Variants in RAB27B observed in about 807,000 individuals in gnomAD.
RAB27B encodes RAB27B, member RAS oncogene family.
Under a neutral mutation model 24.6 loss-of-function variants are expected in RAB27B, and 15 were observed. The observed-to-expected ratio is 0.61, with a 90% CI of 0.41 to 0.94. The LOEUF (loss-of-function observed/expected upper bound fraction) is 0.94, where lower values mean the gene tolerates loss of function less well. RAB27B is among the 40% of genes least tolerant of loss of function. The pLI is 0.00. For missense variants in RAB27B, 261 were observed against 266.8 expected (o/e 0.98, Z 0.15); for synonymous variants, 105 against 92.5 (o/e 1.14, Z -0.78).
intron 2 of RAB27B, among the ~76,000 whole-genome samples, chr18:54,780,902 A>G (rs1055083662): frequency 2.6e-5 from 4 of 152,214 alleles, no homozygotes; most frequent in African/African-American, 9.6e-5. Flanking sequence ...TGGGAGTAGC[A>G]TATAGGCTAA....
intron 2 of RAB27B, among the ~76,000 whole-genome samples, chr18:54,730,528 T>C (rs1047844278): frequency 6.6e-6 from 1 of 152,090 alleles, no homozygotes; most frequent in Non-Finnish European, 1.5e-5. Context: ...CCAAATCTCA[T>C]GTTGAAATGT....
At chr18:54,792,578 A>G (rs991246203) in intron 2 of RAB27B, among the ~76,000 whole-genome samples, 1 of 152,232 alleles carries the variant, frequency 6.6e-6, no homozygotes, top group African/African-American at 2.4e-5. Context: ...AAGATAGTGA[A>G]TAAATTGAAT....
chr18:54,775,657 A>G (rs1908691672), intron 2 of RAB27B, among the ~76,000 whole-genome samples: 1 of 152,068 alleles, frequency 6.6e-6, no homozygotes. Context: ...CTCTTCATCA[A>G]CTTCTATATC....
chr18:54,858,150 C>G (rs1389642890), intron 1 of RAB27B, among the ~76,000 whole-genome samples: 1 of 152,144 alleles, frequency 6.6e-6, no homozygotes, highest in East Asian at 1.9e-4. Context: ...CAGAGAAGGA[C>G]AGTGCTAACA....
chr18:54,736,271 A>T (rs957372817), intron 2 of RAB27B, among the ~76,000 whole-genome samples: 1 of 152,200 alleles, frequency 6.6e-6, no homozygotes, highest in African/African-American at 2.4e-5. Flanking sequence ...TGCAAAAGTA[A>T]CTTTCGTATT....
intron 2 of RAB27B, among the ~76,000 whole-genome samples, chr18:54,818,744 A>G (rs1052179483): frequency 2.0e-5 from 3 of 152,164 alleles, no homozygotes; most frequent in African/African-American, 7.2e-5. Context: ...CTCTATAACA[A>G]CGTGACTAGT....
At chr18:54,773,527 A>G (rs888795001) in intron 2 of RAB27B, among the ~76,000 whole-genome samples, 1 of 152,308 alleles carries the variant, frequency 6.6e-6, no homozygotes, top group Admixed American at 6.5e-5. Context: ...GAATTTTGTC[A>G]CAGGTAGTCC....
At chr18:54,877,774 A>G (rs932898887) in intron 2 of RAB27B, 36 bp downstream of exon 2, 3 of 1,519,670 alleles carry the variant, frequency 2.0e-6, no homozygotes, top group African/African-American at 2.9e-5. Flanking sequence ...CTTGTCACTC[A>G]TCCCCCTATA....
At chr18:54,827,037 T>C (rs1200439841), upstream of RAB27B, among the ~76,000 whole-genome samples, 1 of 152,244 alleles carries the variant, frequency 6.6e-6, no homozygotes, top group Non-Finnish European at 1.5e-5. Flanking sequence ...AAGGCTCTTA[T>C]GTTCTTTCTT....
Position 54,799,774 on chromosome 18 carries a change from C to T in RAB27B, c.-19-77793C>T, listed in dbSNP as rs180853840. Among the ~76,000 whole-genome samples, 119 of 151,776 alleles carry T rather than the reference C, an allele frequency of 7.8e-4. 1 individual carries two copies. Among genetic ancestry groups the T allele is most frequent in the African/African-American group, 2.7e-3 (112 of 41,366 alleles). On this transcript the variant is annotated intron_variant, in intron 2 of 4. Coordinates refer to the RAB27B transcript ENST00000586570. ...CCTCCTGAGTAGATGGGATTACAGG[C>T]GTCCACCACCACACCTGGCTAATTT...
intron 2 of RAB27B, among the ~76,000 whole-genome samples, chr18:54,725,117 G>A (rs1266819762): frequency 1.3e-5 from 2 of 151,408 alleles, no homozygotes; most frequent in Admixed American, 6.6e-5. Flanking sequence ...ATGGTTTGAG[G>A]AATCAGATAG....
intron 2 of RAB27B, among the ~76,000 whole-genome samples, chr18:54,728,902 C>CAAAAA: frequency 2.5e-5 from 1 of 40,576 alleles, no homozygotes; most frequent in Non-Finnish European, 5.4e-5. Context: ...AAAAAAAAAC[C>CAAAAA]CAAAAAAAAA....
rs182175308 is a variant in RAB27B at position 54,794,191 on chromosome 18, T to G, written c.-20+76050T>G. Among the ~76,000 whole-genome samples the G allele has an allele frequency of 1.2e-3, 180 of 152,246 alleles. 1 individual carries two copies. The highest frequency in any genetic ancestry group is 4.2e-3 in the African/African-American group (175 of 41,524). On this transcript the variant is annotated intron_variant, in intron 2 of 4. Coordinates refer to the RAB27B transcript ENST00000586570. ...TAGTACTTCAATTGGTTATGAGAAT[T>G]AAGTAAATTAATATATACAAAGTAG...
intron 1 of RAB27B, among the ~76,000 whole-genome samples, chr18:54,846,101 C>G (rs144000443): frequency 1.2e-3 from 180 of 152,224 alleles, no homozygotes; most frequent in African/African-American, 4.1e-3. Flanking sequence ...AAAATGTCCC[C>G]CATGGTCAGC....
chr18:54,734,634 T>C (rs9319885), intron 2 of RAB27B, among the ~76,000 whole-genome samples: 9,708 of 152,208 alleles, frequency 0.064, 396 homozygotes, highest in African/African-American at 0.092. Context: ...AAAAAGCACA[T>C]AATTTCTGAT....
chr18:54,805,818 T>A (rs1909773821), intron 2 of RAB27B, among the ~76,000 whole-genome samples: 1 of 152,202 alleles, frequency 6.6e-6, no homozygotes, highest in Non-Finnish European at 1.5e-5. Flanking sequence ...GAAGATTGGA[T>A]CTTATATAGA....
At chr18:54,791,835 C>G (rs1909257400) in intron 2 of RAB27B, among the ~76,000 whole-genome samples, 1 of 152,164 alleles carries the variant, frequency 6.6e-6, no homozygotes, top group Non-Finnish European at 1.5e-5. Context: ...AGCACACTGG[C>G]ACATGCTGGC....
chr18:54,869,425 C>T (rs1912377024), intron 1 of RAB27B, among the ~76,000 whole-genome samples: 1 of 152,202 alleles, frequency 6.6e-6, no homozygotes, highest in Admixed American at 6.5e-5. Context: ...GTCAGAGTTC[C>T]CATCAAGAAT....
rs529065153 is a variant in RAB27B at position 54,797,743 on chromosome 18, C to G, written c.-20+79602C>G. Among the ~76,000 whole-genome samples, 3 of 152,186 alleles carry G rather than the reference C, an allele frequency of 2.0e-5. No homozygotes were observed. In the East Asian group the frequency reaches 5.8e-4, roughly 29 times the overall value. On this transcript the variant is annotated intron_variant, in intron 2 of 4. Coordinates refer to the RAB27B transcript ENST00000586570. ...CCTTGGCTGCCCAATAGACTCGTCT[C>G]GGGAGTGGTCTGGGTCATTTCTGTA...
Sources: allele counts gnomAD v4.1 joint callset (sites outside exome capture counted in the v4.1 genomes callset), GRCh38; gene constraint gnomAD v4.1.1; transcripts MANE v1.5; gene names NCBI Gene and HGNC (gene_info 2026-07-23, HGNC 2026-07-21).